PARVA: variants seen among roughly 807,000 people sequenced by gnomAD.
PARVA encodes parvin alpha.
In PARVA, 25 loss-of-function variants were observed where a neutral mutation model predicts 52.6. The observed-to-expected ratio is 0.48, with a 90% CI of 0.35 to 0.66. The LOEUF is 0.66. Among genes scored for constraint, PARVA ranks in the 30% least tolerant of loss-of-function variants. The pLI is 0.01. For missense variants in PARVA, 373 were observed against 450.9 expected (o/e 0.83, Z 1.56); for synonymous variants, 185 against 179.1 (o/e 1.03, Z -0.26).
At chr11:12,513,555 C>T in intron 9 of PARVA, 195 bp downstream of exon 9, 1 of 701,358 alleles carries the variant, frequency 1.4e-6, no homozygotes, top group Non-Finnish European at 2.6e-6. Context: ...GCCTTTTCCC[C>T]TCCATCAGCA....
chr11:12,399,403 C>T (rs1351236225), intron 1 of PARVA, among the ~76,000 whole-genome samples: 2 of 152,296 alleles, frequency 1.3e-5, no homozygotes, highest in African/African-American at 2.4e-5. Context: ...GCTTGTGTAA[C>T]CTGTAATTCT....
intron 1 of PARVA, among the ~76,000 whole-genome samples, chr11:12,405,356 A>T: frequency 6.6e-6 from 1 of 152,220 alleles, no homozygotes; most frequent in East Asian, 1.9e-4. Context: ...GCTTTCCCTG[A>T]TTACAAATTT....
chr11:12,527,124 A>G (rs1411847443), intron 12 of PARVA, among the ~76,000 whole-genome samples: 3 of 152,222 alleles, frequency 2.0e-5, no homozygotes, highest in Non-Finnish European at 2.9e-5. Context: ...ATTCTCCAGC[A>G]TAGCTGGGTT....
rs149419224 is a variant in PARVA, at chr11:12,493,216, C to T, written c.401-3242C>T. Among the ~76,000 whole-genome samples the T allele has an allele frequency of 9.5e-3, 1,446 of 151,610 alleles. 23 individuals are homozygous for T. The highest frequency in any genetic ancestry group is 0.032 in the African/African-American group (1,339 of 41,318). ...ACTAAAAATACAAAAATTAGCTGGG[C>T]GTGGTGGTGCATGCCTGTAATCCCA... On this transcript the variant is annotated intron_variant, in intron 4 of 12. Coordinates refer to ENST00000334956, the MANE Select transcript of PARVA (RefSeq NM_018222.5).
intron 1 of PARVA, among the ~76,000 whole-genome samples, chr11:12,404,104 CT>C (rs34339812): frequency 0.62 from 92,079 of 148,524 alleles, 28,400 homozygotes; most frequent in African/African-American, 0.66. Context: ...TAATATAGCT[CT>C]TTTTTTTTTT....
At chr11:12,432,973 A>T (rs1301166278) in intron 1 of PARVA, among the ~76,000 whole-genome samples, 1 of 152,250 alleles carries the variant, frequency 6.6e-6, no homozygotes, top group Admixed American at 6.5e-5. Context: ...ATGTTGCCAG[A>T]CACGATTTAA....
chr11:12,441,681 A>G (rs1011939213), intron 1 of PARVA, among the ~76,000 whole-genome samples: 1 of 152,362 alleles, frequency 6.6e-6, no homozygotes, highest in Non-Finnish European at 1.5e-5. Context: ...ACAGATGTAA[A>G]TCAGAGCAAG....
intron 1 of PARVA, 100 bp downstream of exon 1, chr11:12,377,883 T>A: frequency 1.3e-6 from 1 of 777,628 alleles, no homozygotes. Context: ...GCGCCGCGGG[T>A]GCCCGGCGCG....
chr11:12,452,161 G>A (rs111951143), intron 1 of PARVA, among the ~76,000 whole-genome samples: 2 of 152,086 alleles, frequency 1.3e-5, no homozygotes, highest in East Asian at 2.0e-4. Flanking sequence ...ATATGCAAGC[G>A]GAAACAGGTA....
chr11:12,476,090 G>A (rs182559772), intron 3 of PARVA, among the ~76,000 whole-genome samples: 1 of 152,184 alleles, frequency 6.6e-6, no homozygotes, highest in East Asian at 1.9e-4. Flanking sequence ...AGACCTCTAA[G>A]GGTAAGGACG....
chr11:12,464,902 G>T (rs1298206750), intron 1 of PARVA, among the ~76,000 whole-genome samples: 1 of 152,138 alleles, frequency 6.6e-6, no homozygotes, highest in Non-Finnish European at 1.5e-5. Flanking sequence ...TGGACATGGG[G>T]TTGGGTCGGG....
Position 12,377,587 on chromosome 11 carries a change from G to T in PARVA, c.-61G>T. 6.7e-7 allele frequency: 1 copy of T among 1,501,366 alleles called. No individual in the cohort carries two copies. Among genetic ancestry groups the T allele is most frequent in the Admixed American group, 2.4e-5 (1 of 41,984 alleles). The allele number at this position is 1,501,366 out of a possible 1,614,324, so 93.0% of individuals were successfully genotyped here. ...CGCAGCCTCAGTCCCGCCGCCGCCC[G>T]CTGCGTCCGCCCAGCGCCAGCTCCG... On this transcript the variant is annotated 5_prime_UTR_variant, in exon 1 of 13. Transcript: ENST00000334956.
intron 1 of PARVA, among the ~76,000 whole-genome samples, chr11:12,445,915 A>G (rs1940539314): frequency 6.6e-6 from 1 of 152,234 alleles, no homozygotes; most frequent in African/African-American, 2.4e-5. Context: ...AACAAATGCC[A>G]GATGGTTTAA....
chr11:12,377,534 G>C, upstream of PARVA: 7 of 1,451,564 alleles, frequency 4.8e-6, no homozygotes, highest in Admixed American at 2.4e-5. Context: ...TCAAATGCTT[G>C]GAATAATTCC....
chr11:12,504,728 T>G (rs974387570), intron 6 of PARVA, among the ~76,000 whole-genome samples: 1 of 144,998 alleles, frequency 6.9e-6, no homozygotes, highest in Non-Finnish European at 1.5e-5. Context: ...GGGTGTGCGG[T>G]ATGTATGTGA....
chr11:12,434,470 C>T (rs1340476262), intron 1 of PARVA, among the ~76,000 whole-genome samples: 1 of 152,208 alleles, frequency 6.6e-6, no homozygotes, highest in East Asian at 1.9e-4. Context: ...TCCCTCCTGA[C>T]CTGTCTCCCA....
intron 1 of PARVA, among the ~76,000 whole-genome samples, chr11:12,448,976 C>A (rs1231325192): frequency 6.6e-6 from 1 of 152,088 alleles, no homozygotes; most frequent in Non-Finnish European, 1.5e-5. Flanking sequence ...AGCTAAGAAG[C>A]TTTATCAGAA....
At chr11:12,430,355 G>C (rs1940299768) in intron 1 of PARVA, among the ~76,000 whole-genome samples, 2 of 152,072 alleles carry the variant, frequency 1.3e-5, no homozygotes, top group South Asian at 4.2e-4. Context: ...TTAACAACTG[G>C]CTCCCTGAAT....
chr11:12,409,801 AT>A (rs35916403), intron 1 of PARVA, among the ~76,000 whole-genome samples: 1 of 152,240 alleles, frequency 6.6e-6, no homozygotes, highest in Non-Finnish European at 1.5e-5. Flanking sequence ...GCATTTACTA[AT>A]TTGTTAGAGC....
Sources: allele counts gnomAD v4.1 joint callset (sites outside exome capture counted in the v4.1 genomes callset), GRCh38; gene constraint gnomAD v4.1.1; transcripts MANE v1.5; gene names NCBI Gene and HGNC (gene_info 2026-07-23, HGNC 2026-07-21).